The following DENND1A variants were observed in gnomAD, a reference collection of about 807,000 sequenced individuals.
DENND1A encodes DENN domain containing 1A.
DENND1A carries 51 observed loss-of-function variants against 113.7 expected under a neutral mutation model. The observed-to-expected ratio is 0.45, with a 90% CI of 0.36 to 0.57. The LOEUF (loss-of-function observed/expected upper bound fraction) is 0.57. Among genes scored for constraint, DENND1A ranks in the 20% least tolerant of loss-of-function variants. DENND1A has a pLI of 0.00. For synonymous variants in DENND1A, 565 were observed against 570.8 expected (o/e 0.99, Z 0.14); for missense variants, 1,258 against 1,395.9 (o/e 0.90, Z 1.57).
chr9:123,477,748 A>T (rs947336392), intron 13 of DENND1A, among the ~76,000 whole-genome samples: 4 of 150,004 alleles, frequency 2.7e-5, no homozygotes, highest in Non-Finnish European at 4.4e-5. Flanking sequence ...TTAAAAAAAA[A>T]TAATTAAAAA....
At chr9:123,601,102 G>A (rs963033879) in intron 11 of DENND1A, among the ~76,000 whole-genome samples, 2 of 152,228 alleles carry the variant, frequency 1.3e-5, no homozygotes, top group Non-Finnish European at 1.5e-5. Flanking sequence ...AGGAAAATAC[G>A]AAAACAAAAG....
chr9:123,755,269 C>T (rs2131371178), intron 5 of DENND1A, among the ~76,000 whole-genome samples: 1 of 151,912 alleles, frequency 6.6e-6, no homozygotes, highest in South Asian at 2.1e-4. Context: ...ATTACAGGCA[C>T]CTGCCACCAC....
At chr9:123,503,078 CATT>C (rs1298204591) in intron 13 of DENND1A, among the ~76,000 whole-genome samples, 2 of 152,116 alleles carry the variant, frequency 1.3e-5, no homozygotes, top group Non-Finnish European at 1.5e-5. Flanking sequence ...CATTAAATAT[CATT>C]ATGTCAGGTG....
intron 19 of DENND1A, among the ~76,000 whole-genome samples, chr9:123,420,951 A>G (rs970636126): frequency 6.6e-6 from 1 of 151,308 alleles, no homozygotes; most frequent in Non-Finnish European, 1.5e-5. Flanking sequence ...GTGGCATCCC[A>G]TTGGTGGCCG....
At chr9:123,441,934 G>C (rs2046962135) in intron 18 of DENND1A, among the ~76,000 whole-genome samples, 1 of 152,198 alleles carries the variant, frequency 6.6e-6, no homozygotes, top group South Asian at 2.1e-4. Flanking sequence ...ATGGAGGAAA[G>C]TAATTCCTTA....
chr9:123,420,235 G>A (rs909377867), intron 19 of DENND1A, among the ~76,000 whole-genome samples: 6 of 152,206 alleles, frequency 3.9e-5, no homozygotes, highest in African/African-American at 7.2e-5. Context: ...TGGTCCTGGC[G>A]ACTCTGAGAC....
intron 5 of DENND1A, among the ~76,000 whole-genome samples, chr9:123,692,098 C>T (rs116210141): frequency 2.4e-4 from 37 of 152,294 alleles, no homozygotes; most frequent in African/African-American, 8.4e-4. Flanking sequence ...TCCTTCGTCT[C>T]TCCAAGGCTA....
chr9:123,700,000 C>T (rs1032923960), intron 5 of DENND1A, among the ~76,000 whole-genome samples: 2 of 152,058 alleles, frequency 1.3e-5, no homozygotes, highest in Non-Finnish European at 2.9e-5. Flanking sequence ...GCCTGCCCTA[C>T]CCTTTCATTT....
rs2042252892 is a variant in DENND1A at position 123,381,285 on chromosome 9, TGGAGG to T, written c.*142_*146del. 1 of 728,982 alleles carries T rather than the reference TGGAGG, an allele frequency of 1.4e-6. No individual in the cohort carries two copies. 45.2% of individuals were successfully genotyped at this position (728,982 alleles called of 1,614,324 possible). On this transcript the variant is annotated 3_prime_UTR_variant, in exon 24 of 24. Transcript: ENST00000394215. The surrounding 1 kb of genome is among the most constrained non-coding windows in gnomAD (Gnocchi z 4.7). ...GGCCAGACATCAGAGATGGGCAGTG[TGGAGG>T]GGAGGAGGGGGCAGCAGAGAGGGGT...
intron 13 of DENND1A, among the ~76,000 whole-genome samples, chr9:123,534,776 C>T (rs555229592): frequency 4.6e-5 from 7 of 152,196 alleles, no homozygotes; most frequent in Non-Finnish European, 7.3e-5. Context: ...TCCTGTGAAA[C>T]GTCTGATCAT....
At chr9:123,465,691 A>T (rs1025889599) in intron 13 of DENND1A, among the ~76,000 whole-genome samples, 4 of 152,244 alleles carry the variant, frequency 2.6e-5, no homozygotes, top group African/African-American at 9.6e-5. Flanking sequence ...GCAGGAAAAA[A>T]GTGCTGTTAA....
intron 1 of DENND1A, among the ~76,000 whole-genome samples, chr9:123,922,265 T>C (rs1856404104): frequency 6.6e-6 from 1 of 152,162 alleles, no homozygotes; most frequent in Admixed American, 6.6e-5. Flanking sequence ...TGCCAAAACC[T>C]TGCTCTGGAC....
At chr9:123,418,294 TGAGAA>T (rs1390811882) in intron 19 of DENND1A, among the ~76,000 whole-genome samples, 5 of 152,218 alleles carry the variant, frequency 3.3e-5, no homozygotes, top group African/African-American at 1.2e-4. Context: ...CAGAAGTCCC[TGAGAA>T]GAGGGGACCT....
intron 1 of DENND1A, among the ~76,000 whole-genome samples, chr9:123,884,323 C>T (rs896018085): frequency 7.9e-5 from 12 of 152,134 alleles, no homozygotes; most frequent in African/African-American, 2.7e-4. Context: ...TAATTTGGTA[C>T]ATGTAATGAT....
At chr9:123,703,682 C>T (rs187559957) in intron 5 of DENND1A, among the ~76,000 whole-genome samples, 37 of 152,154 alleles carry the variant, frequency 2.4e-4, no homozygotes, top group South Asian at 6.2e-4. Context: ...AAAAATGCTA[C>T]GCTGAGCAAA....
chr9:123,472,360 C>T (rs1564551986), intron 13 of DENND1A, among the ~76,000 whole-genome samples: 1 of 152,100 alleles, frequency 6.6e-6, no homozygotes, highest in Admixed American at 6.5e-5. Flanking sequence ...AGCCAGCCGG[C>T]GGTTCACAGC....
chr9:123,872,702 C>T (rs772602708), intron 2 of DENND1A, among the ~76,000 whole-genome samples: 1 of 152,018 alleles, frequency 6.6e-6, no homozygotes, highest in African/African-American at 2.4e-5. Context: ...AACACACACA[C>T]CAGGATAATC....
chr9:123,493,731 C>T (rs989202336), intron 13 of DENND1A, among the ~76,000 whole-genome samples: 8 of 152,108 alleles, frequency 5.3e-5, no homozygotes, highest in Non-Finnish European at 1.0e-4. Context: ...AAGAATAGCC[C>T]GAGAAGCCCA....
At chr9:123,528,114 A>G (rs1257542315) in intron 13 of DENND1A, among the ~76,000 whole-genome samples, 2 of 152,256 alleles carry the variant, frequency 1.3e-5, no homozygotes, top group African/African-American at 4.8e-5. Context: ...AGTAAGACAC[A>G]CATGACCAGC....
Sources: allele counts gnomAD v4.1 joint callset (sites outside exome capture counted in the v4.1 genomes callset), GRCh38; gene constraint gnomAD v4.1.1; non-coding constraint Gnocchi (gnomAD v3.1); transcripts MANE v1.5; gene names NCBI Gene and HGNC (gene_info 2026-07-23, HGNC 2026-07-21).